BTF3L4: variants seen among roughly 807,000 people sequenced by gnomAD.
The protein encoded by BTF3L4 is transcription factor BTF3 homolog 4.
A neutral mutation model predicts 16.8 loss-of-function variants in BTF3L4; 6 were observed. The ratio of observed to expected loss-of-function variants is 0.36; its 90% CI spans 0.20 to 0.71. BTF3L4 has a LOEUF of 0.71. Among genes scored for constraint, BTF3L4 ranks in the 30% least tolerant of loss-of-function variants. BTF3L4 has a pLI of 0.58. For missense variants in BTF3L4, 92 were observed against 186.9 expected (o/e 0.49, Z 2.96); for synonymous variants, 39 against 59.8 (o/e 0.65, Z 1.60).
chr1:52,086,037 A>G (rs1453775361), intron 4 of BTF3L4, 75 bp from the exon 5 acceptor site: 2 of 970,696 alleles, frequency 2.1e-6, no homozygotes, highest in East Asian at 2.7e-5. Flanking sequence ...TATACAGGAA[A>G]AAAGGGATAA....
chr1:52,064,682 C>T, intron 2 of BTF3L4, 143 bp from the exon 3 acceptor site: 1 of 498,388 alleles, frequency 2.0e-6, no homozygotes, highest in Non-Finnish European at 3.6e-6. Context: ...ATCACAACCT[C>T]TGAGAAGTCT....
At chr1:52,076,511 A>G (rs1468303225) in intron 3 of BTF3L4, among the ~76,000 whole-genome samples, 1 of 145,692 alleles carries the variant, frequency 6.9e-6, no homozygotes, top group Non-Finnish European at 1.5e-5. Flanking sequence ...CGTGAGGCGG[A>G]GGTCGCAGTG....
intron 2 of BTF3L4, among the ~76,000 whole-genome samples, chr1:52,061,803 G>T (rs530106634): frequency 1.3e-5 from 2 of 151,656 alleles, no homozygotes; most frequent in South Asian, 2.1e-4. Flanking sequence ...ACCATGCCCA[G>T]CTGAATTTTT....
In BTF3L4 at chr1:52,089,700, TG is replaced by T. The variant is rs1644002322; in HGVS notation, c.*2943del. On this transcript the variant is annotated 3_prime_UTR_variant, in exon 6 of 6. Coordinates refer to ENST00000313334, the MANE Select transcript of BTF3L4 (RefSeq NM_152265.5). Reference sequence around the variant, plus strand: ...TTGTGTTAGTCCTTTGAGGTTTTTTTGTTTTTGTTTTTGTTCTTTGTAAAGC... The same window carrying T: ...TTGTGTTAGTCCTTTGAGGTTTTTTTTTTTTGTTTTTGTTCTTTGTAAAGC... The T allele has an allele frequency of 6.6e-6, 1 of 152,198 alleles. No homozygotes were observed. Among genetic ancestry groups the T allele is most frequent in the African/African-American group, 2.4e-5 (1 of 41,456 alleles). The allele number at this position is 152,198 out of a possible 1,614,324, so 9.4% of individuals were successfully genotyped here. A position where few individuals can be genotyped will look rare whatever the true frequency, so the allele number is the denominator to read the frequency against.
At chr1:52,078,419 G>A (rs1431021465) in intron 3 of BTF3L4, among the ~76,000 whole-genome samples, 1 of 151,968 alleles carries the variant, frequency 6.6e-6, no homozygotes, top group Non-Finnish European at 1.5e-5. Flanking sequence ...GCAGATTTGA[G>A]TGATTATTAT....
At chr1:52,070,539 CAG>C (rs1686760931) in intron 3 of BTF3L4, among the ~76,000 whole-genome samples, 1 of 107,818 alleles carries the variant, frequency 9.3e-6, no homozygotes, top group Non-Finnish European at 1.8e-5. Flanking sequence ...AGCCTGGTGA[CAG>C]AGCAAGACTC....
chr1:52,064,199 T>C (rs1183588355), intron 2 of BTF3L4, among the ~76,000 whole-genome samples: 1 of 152,230 alleles, frequency 6.6e-6, no homozygotes, highest in Non-Finnish European at 1.5e-5. Flanking sequence ...GCCCTAGTTA[T>C]GGGTCTCAAC....
intron 3 of BTF3L4, among the ~76,000 whole-genome samples, chr1:52,078,057 A>T (rs1686974945): frequency 6.6e-6 from 1 of 151,906 alleles, no homozygotes; most frequent in Non-Finnish European, 1.5e-5. Context: ...AGTTGGTCTG[A>T]CAATATCCTT....
intron 3 of BTF3L4, among the ~76,000 whole-genome samples, chr1:52,069,669 A>G (rs1489103820): frequency 6.6e-6 from 1 of 152,238 alleles, no homozygotes; most frequent in Non-Finnish European, 1.5e-5. Flanking sequence ...AAACAATATG[A>G]TAGTACTTTC....
At chr1:52,074,880 T>C (rs943986171) in intron 3 of BTF3L4, among the ~76,000 whole-genome samples, 3 of 152,020 alleles carry the variant, frequency 2.0e-5, no homozygotes, top group Non-Finnish European at 4.4e-5. Flanking sequence ...AAGGTCTCAC[T>C]CTGTCACCCA....
At chr1:52,083,250 AG>A in intron 3 of BTF3L4, 89 bp from the exon 4 acceptor site, 1 of 1,080,960 alleles carries the variant, frequency 9.3e-7, no homozygotes, top group South Asian at 1.4e-5. Flanking sequence ...TACCAAGTAA[AG>A]AACCATAATT....
rs1329287654 is a variant in BTF3L4 at position 52,087,739 on chromosome 1, G to A, written c.*981G>A. On this transcript the variant is annotated 3_prime_UTR_variant, in exon 6 of 6. Transcript: ENST00000313334. ...TGTTCTTAACAGCAGGTACAAAAAT[G>A]CCTGTTTTTCAGCAAGGTTGAAATT... 6.6e-6 allele frequency: 1 copy of A among 152,540 alleles called. No individual in the cohort carries two copies. Among genetic ancestry groups the A allele is most frequent in the Non-Finnish European group, 1.5e-5 (1 of 68,000 alleles). 9.4% of individuals were successfully genotyped at this position (152,540 alleles called of 1,614,324 possible). A position where few individuals can be genotyped will look rare whatever the true frequency, so the allele number is the denominator to read the frequency against.
intron 3 of BTF3L4, among the ~76,000 whole-genome samples, chr1:52,070,557 C>CAAA (rs200740908): frequency 8.6e-5 from 9 of 104,094 alleles, no homozygotes; most frequent in Non-Finnish European, 1.0e-4. Flanking sequence ...GACTCCATCT[C>CAAA]AAAAAAAAAA....
At chr1:52,063,100 T>C (rs956842203) in intron 2 of BTF3L4, among the ~76,000 whole-genome samples, 7 of 152,132 alleles carry the variant, frequency 4.6e-5, no homozygotes, top group African/African-American at 1.7e-4. Flanking sequence ...GTTGGGGACC[T>C]CTATTATATG....
chr1:52,073,039 C>T lies in BTF3L4; in HGVS notation c.168+8101C>T, dbSNP rs1217438207. On this transcript the variant is annotated intron_variant, in intron 3 of 5. Coordinates refer to ENST00000313334, the MANE Select transcript of BTF3L4 (RefSeq NM_152265.5). ...TGCCATTGCACTCCAGCCTGAGCAA[C>T]AGAGCAAGACTCTGTCTCAAAAAAA... 2.0e-5 allele frequency among the ~76,000 whole-genome samples: 3 copies of T among 151,902 alleles called. No homozygotes were observed. The East Asian group carries it at 5.8e-4, about 29-fold the overall frequency.
chr1:52,063,274 T>C (rs542044484), intron 2 of BTF3L4, among the ~76,000 whole-genome samples: 2 of 152,216 alleles, frequency 1.3e-5, no homozygotes, highest in East Asian at 1.9e-4. Context: ...TAAGAATAGA[T>C]TGGTGGACTG....
intron 3 of BTF3L4, among the ~76,000 whole-genome samples, chr1:52,076,347 G>A (rs1036861830): frequency 6.6e-6 from 1 of 151,702 alleles, no homozygotes; most frequent in Non-Finnish European, 1.5e-5. Context: ...AGGCTGAGGC[G>A]GGCAGATCAC....
In BTF3L4 at chr1:52,079,029, A is replaced by G. The variant is rs77685770; in HGVS notation, c.169-4311A>G. On this transcript the variant is annotated intron_variant, in intron 3 of 5. Transcript: ENST00000313334. Reference sequence around the variant, plus strand: ...AATCACTGAAAGAAGTGAAGTCTCGATATTAAATGCATATAATTTGCTTTA... The same window carrying G: ...AATCACTGAAAGAAGTGAAGTCTCGGTATTAAATGCATATAATTTGCTTTA... Among the ~76,000 whole-genome samples the G allele has an allele frequency of 4.8e-3, 726 of 152,282 alleles. 13 individuals carry two copies. In the South Asian group the frequency reaches 0.053, roughly 11 times the overall value.
chr1:52,061,742 G>T (rs1299903682), intron 2 of BTF3L4, among the ~76,000 whole-genome samples: 1 of 148,192 alleles, frequency 6.7e-6, no homozygotes. Flanking sequence ...CTGGATTCAG[G>T]CAATTCTCCT....
Sources: gnomAD v4.1 joint callset for allele counts (sites outside exome capture counted in the v4.1 genomes callset) on GRCh38, gnomAD v4.1.1 for gene constraint, MANE v1.5 for transcripts, NCBI Gene and HGNC (gene_info 2026-07-23, HGNC 2026-07-21) for gene names.